The following CCDC171 variants were observed in gnomAD, a reference collection of about 807,000 sequenced individuals.
CCDC171 encodes coiled-coil domain containing 171.
A neutral mutation model predicts 168.2 loss-of-function variants in CCDC171; 177 were observed. That is an observed-to-expected ratio of 1.05 (90% CI 0.93 to 1.19). CCDC171 has a LOEUF of 1.19. Ranked by LOEUF, CCDC171 falls within the 50% of genes most tolerant of loss-of-function variation. The pLI is 0.00. For missense variants in CCDC171, 1,991 were observed against 1,539.0 expected, an observed-to-expected ratio of 1.29 and a Z score of -4.91; for synonymous variants, 687 against 540.8, an observed-to-expected ratio of 1.27 and a Z score of -3.75.
rs529726436 is a variant in CCDC171, at chr9:16,027,275, A to G, written n.998+4367A>G. On this transcript the variant is annotated intron_variant and non_coding_transcript_variant, in intron 6 of 9. Transcript: ENST00000486641. ...TATTTTATTTAAAGGTTTTCATTTC[A>G]TCATCTGATCCTCCCTCCAACCCCC... 1.5e-4 allele frequency among the ~76,000 whole-genome samples: 23 copies of G among 152,246 alleles called. No homozygotes were observed. The East Asian group carries it at 4.3e-3, about 28-fold the overall frequency.
At chr9:15,961,365 C>T (rs1417545633) in intron 25 of CCDC171, among the ~76,000 whole-genome samples, 1 of 152,130 alleles carries the variant, frequency 6.6e-6, no homozygotes, top group East Asian at 1.9e-4. Flanking sequence ...GAGAGTGTGA[C>T]ATGTGTACAT....
chr9:15,762,323 G>GA (rs34676744), intron 18 of CCDC171, among the ~76,000 whole-genome samples: 3 of 151,434 alleles, frequency 2.0e-5, no homozygotes, highest in Non-Finnish European at 4.4e-5. Flanking sequence ...TCCTTTTCCA[G>GA]AAAAAATATG....
At chr9:15,636,976 C>T (rs921967512) in intron 7 of CCDC171, among the ~76,000 whole-genome samples, 1 of 151,838 alleles carries the variant, frequency 6.6e-6, no homozygotes, top group African/African-American at 2.4e-5. Context: ...AAAATATCGG[C>T]TGGGCGTGGT....
At chr9:16,004,207 G>A (rs1832635844) in intron 3 of CCDC171, among the ~76,000 whole-genome samples, 1 of 152,184 alleles carries the variant, frequency 6.6e-6, no homozygotes, top group Non-Finnish European at 1.5e-5. Flanking sequence ...CACATTTGGG[G>A]TAACACAAGC....
intron 25 of CCDC171, among the ~76,000 whole-genome samples, chr9:15,964,750 G>A (rs571855307): frequency 2.0e-5 from 3 of 152,046 alleles, no homozygotes; most frequent in Admixed American, 1.3e-4. Context: ...AAATGTTCTC[G>A]TGTAATTTAA....
At chr9:15,661,061 A>G (rs1167798325) in intron 8 of CCDC171, among the ~76,000 whole-genome samples, 1 of 152,160 alleles carries the variant, frequency 6.6e-6, no homozygotes, top group Non-Finnish European at 1.5e-5. Context: ...CGGGTGGATC[A>G]TGAGGTCAGG....
rs184851653 is a variant in CCDC171, at chr9:15,806,642, A to C, written c.3267+21948A>C. On this transcript the variant is annotated intron_variant, in intron 21 of 25. Transcript: ENST00000380701. Reference sequence around the variant, plus strand: ...ATGAGGTGGCCTGCCCTTTTTCTCTAGCTAACTTTAACATTCTTTTTTTTC... The same window carrying C: ...ATGAGGTGGCCTGCCCTTTTTCTCTCGCTAACTTTAACATTCTTTTTTTTC... 1.4e-3 allele frequency among the ~76,000 whole-genome samples: 218 copies of C among 151,974 alleles called. 1 individual carries two copies. The highest frequency in any genetic ancestry group is 5.0e-3 in the African/African-American group (209 of 41,464).
chr9:16,039,600 T>C (rs1213351142), upstream of CCDC171, among the ~76,000 whole-genome samples: 1 of 152,202 alleles, frequency 6.6e-6, no homozygotes, highest in Non-Finnish European at 1.5e-5. Context: ...TAAACTCGTC[T>C]AGCCTCCTTC....
chr9:15,557,118 G>A (rs2038872267), intron 1 of CCDC171, among the ~76,000 whole-genome samples: 1 of 152,150 alleles, frequency 6.6e-6, no homozygotes, highest in Admixed American at 6.6e-5. Flanking sequence ...TTTGTTACCA[G>A]TACCATGCTG....
chr9:15,616,812 G>C (rs1442290396), intron 6 of CCDC171, among the ~76,000 whole-genome samples: 1 of 152,182 alleles, frequency 6.6e-6, no homozygotes, highest in Non-Finnish European at 1.5e-5. Context: ...GAAAAAATGA[G>C]ATTACATAAG....
intron 10 of CCDC171, among the ~76,000 whole-genome samples, chr9:15,692,943 C>A (rs1485227914): frequency 1.3e-5 from 2 of 151,916 alleles, no homozygotes; most frequent in South Asian, 4.1e-4. Flanking sequence ...TCAAGACCAG[C>A]CTGGTCAACA....
chr9:15,760,285 A>G (rs1035184701), intron 18 of CCDC171, among the ~76,000 whole-genome samples: 4 of 152,174 alleles, frequency 2.6e-5, no homozygotes, highest in Non-Finnish European at 5.9e-5. Context: ...TTTTCATATT[A>G]TCTTTGTTCT....
intron 10 of CCDC171, among the ~76,000 whole-genome samples, chr9:15,693,692 A>G (rs927524152): frequency 6.6e-6 from 1 of 152,174 alleles, no homozygotes; most frequent in Non-Finnish European, 1.5e-5. Flanking sequence ...AATTTTACAT[A>G]TTTTAAGGAT....
chr9:15,556,980 C>T (rs539054456), intron 1 of CCDC171, among the ~76,000 whole-genome samples: 6 of 152,262 alleles, frequency 3.9e-5, no homozygotes, highest in South Asian at 4.1e-4. Context: ...TTTCCCAACA[C>T]CATTTATTAA....
intron 6 of CCDC171, among the ~76,000 whole-genome samples, chr9:15,611,861 G>C (rs117623491): frequency 0.012 from 1,781 of 152,218 alleles, 24 homozygotes; most frequent in East Asian, 0.057. Flanking sequence ...CTGGATGTTT[G>C]TGTCCCTCCT....
chr9:15,827,663 C>T (rs1439323099), intron 21 of CCDC171, among the ~76,000 whole-genome samples: 1 of 152,112 alleles, frequency 6.6e-6, no homozygotes, highest in South Asian at 2.1e-4. Flanking sequence ...GATATTGTCA[C>T]CTGTTTTTTA....
chr9:15,561,562 A>T (rs2039302178), intron 1 of CCDC171, among the ~76,000 whole-genome samples: 1 of 152,098 alleles, frequency 6.6e-6, no homozygotes, highest in South Asian at 2.1e-4. Flanking sequence ...TTCCATTGAC[A>T]TTTTCATTAC....
At position 16,000,258 on chromosome 9, in the gene CCDC171, A is replaced by T. The variant is rs746026429; in HGVS notation, n.369-20331A>T. 3.9e-4 allele frequency among the ~76,000 whole-genome samples: 60 copies of T among 152,178 alleles called. 1 individual carries two copies. Among genetic ancestry groups the T allele is most frequent in the Non-Finnish European group, 6.5e-4 (44 of 68,034 alleles). ...AGCTCAAAAAGTTTGTAAAACTACA[A>T]ACCCAAAGCCTTTTCTTTCCGTATT... On this transcript the variant is annotated intron_variant and non_coding_transcript_variant, in intron 3 of 9. Transcript: ENST00000486641.
At chr9:15,836,924 T>C (rs2060477879) in intron 21 of CCDC171, among the ~76,000 whole-genome samples, 1 of 152,232 alleles carries the variant, frequency 6.6e-6, no homozygotes, top group Non-Finnish European at 1.5e-5. Flanking sequence ...CGGTAACTTA[T>C]CTTTTTCATT....
Sources: allele counts gnomAD v4.1 joint callset (sites outside exome capture counted in the v4.1 genomes callset), GRCh38; gene constraint gnomAD v4.1.1; transcripts MANE v1.5; gene names NCBI Gene and HGNC (gene_info 2026-07-23, HGNC 2026-07-21).